The following CTTN variants were observed in gnomAD, a reference collection of about 807,000 sequenced individuals.
CTTN encodes src substrate cortactin.
In CTTN, 28 loss-of-function variants were observed where a neutral mutation model predicts 84.0. The ratio of observed to expected loss-of-function variants is 0.33; its 90% CI spans 0.25 to 0.46. The LOEUF is 0.46. CTTN is among the 20% of genes least tolerant of loss of function. The pLI, the probability that CTTN is intolerant of heterozygous loss-of-function variation, is 1.00. For missense variants in CTTN, 641 were observed against 723.8 expected (o/e 0.89, Z 1.31); for synonymous variants, 301 against 288.8 (o/e 1.04, Z -0.43).
intron 2 of CTTN, among the ~76,000 whole-genome samples, chr11:70,406,343 G>A (rs2058040983): frequency 6.6e-6 from 1 of 152,136 alleles, no homozygotes; most frequent in Admixed American, 6.5e-5. Context: ...CCTGATTCAG[G>A]GCGCTAGAGT....
At chr11:70,409,020 A>G (rs954336344) in intron 4 of CTTN, among the ~76,000 whole-genome samples, 1 of 152,166 alleles carries the variant, frequency 6.6e-6, no homozygotes, top group Non-Finnish European at 1.5e-5. Flanking sequence ...AGAGGAACAC[A>G]TGGGGAATAA....
intron 11 of CTTN, 162 bp downstream of exon 11, chr11:70,421,742 G>A (rs1355438342): frequency 1.6e-6 from 1 of 617,902 alleles, no homozygotes; most frequent in Non-Finnish European, 2.9e-6. Flanking sequence ...TTCTAGTAGA[G>A]CGACACTGAT....
chr11:70,400,665 G>C (rs1397640676), intron 1 of CTTN, among the ~76,000 whole-genome samples: 1 of 152,246 alleles, frequency 6.6e-6, no homozygotes, highest in Non-Finnish European at 1.5e-5. Context: ...CGGCAATTCA[G>C]ATCTTCAGTC....
intron 13 of CTTN, among the ~76,000 whole-genome samples, chr11:70,428,203 G>T (rs1019502571): frequency 8.3e-6 from 1 of 119,796 alleles, no homozygotes; most frequent in Non-Finnish European, 1.6e-5. Context: ...GTCTCGCTCT[G>T]TCGCGAGACT....
At chr11:70,400,557 A>G (rs2057965969) in intron 1 of CTTN, among the ~76,000 whole-genome samples, 2 of 152,182 alleles carry the variant, frequency 1.3e-5, no homozygotes, top group African/African-American at 4.8e-5. Context: ...CAGCCTCCCA[A>G]GTAGCTGGGA....
rs753366314 is a variant in CTTN at position 70,409,827 on chromosome 11, C to A, written c.162-4C>A. ...CTGTTCCTATTTTCATCTCTTCCAT[C>A]AAGCATACACAAGCTGAGGGAGAAT... is the stretch of plus-strand genomic sequence containing the variant. On this transcript the variant is annotated splice_region_variant and splice_polypyrimidine_tract_variant and intron_variant, in intron 4 of 17. Transcript: ENST00000301843. The A allele has an allele frequency of 5.9e-5, 96 of 1,613,830 alleles. No homozygotes were observed. The highest frequency in any genetic ancestry group is 7.8e-5 in the Non-Finnish European group (92 of 1,179,874).
At chr11:70,432,657 G>A (rs2058366647) in intron 15 of CTTN, among the ~76,000 whole-genome samples, 1 of 152,250 alleles carries the variant, frequency 6.6e-6, no homozygotes, top group African/African-American at 2.4e-5. Context: ...GCCACGTGGT[G>A]AAGCCGCTGT....
intron 12 of CTTN, among the ~76,000 whole-genome samples, chr11:70,424,861 C>G (rs150866807): frequency 2.6e-5 from 4 of 152,244 alleles, no homozygotes; most frequent in Non-Finnish European, 5.9e-5. Flanking sequence ...CTGACAGTCT[C>G]CACCTGAGTC....
chr11:70,435,927 A>AC lies in CTTN; in HGVS notation c.*766dup. The AC allele has an allele frequency of 6.9e-7, 1 of 1,458,622 alleles. No homozygotes were observed. Among genetic ancestry groups the AC allele is most frequent in the Non-Finnish European group, 9.0e-7 (1 of 1,115,434 alleles). 90.4% of individuals were successfully genotyped at this position (1,458,622 alleles called of 1,614,324 possible). A position where few individuals can be genotyped will look rare whatever the true frequency, so the allele number is the denominator to read the frequency against. On this transcript the variant is annotated 3_prime_UTR_variant, in exon 18 of 18. Transcript: ENST00000301843. ...CCCGCGGGTCTCTGGATTGGGACGC[A>AC]CAGTGCAGTTGAGGTCTGCGTCGGG... is the stretch of plus-strand genomic sequence containing the variant.
chr11:70,401,192 C>G (rs1355966467), intron 1 of CTTN, among the ~76,000 whole-genome samples: 2 of 151,808 alleles, frequency 1.3e-5, no homozygotes, highest in Non-Finnish European at 2.9e-5. Context: ...AAAAATTGGC[C>G]GGGTATGGTG....
chr11:70,415,443 C>T (rs1217305418), intron 6 of CTTN, among the ~76,000 whole-genome samples: 3 of 152,218 alleles, frequency 2.0e-5, no homozygotes, highest in African/African-American at 7.2e-5. Flanking sequence ...AGGGATATGG[C>T]TTGGCCTGCG....
Position 70,421,468 on chromosome 11 carries a change from A to AGATTATAAGACTGGTTTT in CTTN, c.791_808dup, listed in dbSNP as rs2058235654. The AGATTATAAGACTGGTTTT allele has an allele frequency of 3.7e-6, 6 of 1,606,300 alleles. No individual in the cohort carries two copies. Among genetic ancestry groups the AGATTATAAGACTGGTTTT allele is most frequent in the Non-Finnish European group, 5.1e-6 (6 of 1,172,998 alleles). The stretch of plus-strand genomic sequence containing the variant: ...TCCCCACCGTTGCTTGTGGATTTTC[A>AGATTATAAGACTGGTTTT]GATTATAAGACTGGTTTTGGAGGCA... On this transcript the variant is annotated splice_acceptor_variant, in intron 10 of 17. Transcript: ENST00000301843. LOFTEE classifies it high-confidence loss of function.
At chr11:70,404,846 T>C (rs918239071) in intron 1 of CTTN, among the ~76,000 whole-genome samples, 3 of 152,004 alleles carry the variant, frequency 2.0e-5, no homozygotes, top group Admixed American at 6.6e-5. Context: ...GTACTAAAAA[T>C]AGAAAATTAG....
At chr11:70,399,743 G>A (rs1376379256) in intron 1 of CTTN, among the ~76,000 whole-genome samples, 1 of 152,190 alleles carries the variant, frequency 6.6e-6, no homozygotes, top group East Asian at 1.9e-4. Context: ...CCTTGGGGAG[G>A]AATTCATTTT....
At position 70,435,253 on chromosome 11, in the gene CTTN, GTTTTTTTTTTTTTTTT is replaced by G. The variant is rs370623790; in HGVS notation, c.*101_*116del. 5.3e-6 allele frequency: 5 copies of G among 938,806 alleles called. No individual in the cohort carries two copies. Among genetic ancestry groups the G allele is most frequent in the Admixed American group, 6.6e-5 (1 of 15,086 alleles). 58.2% of individuals were successfully genotyped at this position (938,806 alleles called of 1,614,324 possible). ...TCTTGGGTGGTTTTGGGTTTTTTCT[GTTTTTTTTTTTTTTTT>G]TTTTTTTTTGAAGGTGGGGAGGGGA... On this transcript the variant is annotated 3_prime_UTR_variant, in exon 18 of 18. Transcript: ENST00000301843.
chr11:70,429,002 A>G (rs752048389), intron 13 of CTTN, 49 bp from the exon 14 acceptor site: 20 of 1,606,230 alleles, frequency 1.2e-5, no homozygotes, highest in South Asian at 2.2e-5. Context: ...GTCCAGGAGC[A>G]GTGTTTTTGC....
intron 1 of CTTN, among the ~76,000 whole-genome samples, chr11:70,404,544 A>G (rs2135549636): frequency 6.6e-6 from 1 of 152,288 alleles, no homozygotes; most frequent in South Asian, 2.1e-4. Flanking sequence ...TGATCCTCTC[A>G]AGGAGTGTTT....
At chr11:70,428,197 C>T (rs1345337602) in intron 13 of CTTN, among the ~76,000 whole-genome samples, 5 of 127,150 alleles carry the variant, frequency 3.9e-5, no homozygotes, top group African/African-American at 1.4e-4. Flanking sequence ...GACAGAGTCT[C>T]GCTCTGTCGC....
chr11:70,432,753 A>T (rs1397165135), intron 15 of CTTN, among the ~76,000 whole-genome samples: 1 of 152,164 alleles, frequency 6.6e-6, no homozygotes, highest in East Asian at 1.9e-4. Flanking sequence ...GATGAGGCCT[A>T]AAAAAAGAAA....
Sources: gnomAD v4.1 joint callset for allele counts (sites outside exome capture counted in the v4.1 genomes callset) on GRCh38, gnomAD v4.1.1 for gene constraint, MANE v1.5 for transcripts, NCBI Gene and HGNC (gene_info 2026-07-23, HGNC 2026-07-21) for gene names.